ABCA4: variants seen among roughly 807,000 people sequenced by gnomAD.
ABCA4 encodes the protein retinal-specific phospholipid-transporting ATPase ABCA4.
Under a neutral mutation model 263.7 loss-of-function variants are expected in ABCA4, and 196 were observed. The ratio of observed to expected loss-of-function variants is 0.74; its 90% CI spans 0.66 to 0.84. The LOEUF (loss-of-function observed/expected upper bound fraction) is 0.84. Ranked by LOEUF, ABCA4 falls within the 40% of genes least tolerant of loss-of-function variation. The pLI, the probability that ABCA4 is intolerant of heterozygous loss-of-function variation, is 0.00. For missense variants in ABCA4, 2,792 were observed against 2,855.1 expected (o/e 0.98, Z 0.50); for synonymous variants, 1,133 against 1,094.2 (o/e 1.04, Z -0.70).
intron 6 of ABCA4, among the ~76,000 whole-genome samples, chr1:94,084,424 C>T (rs1661781500): frequency 6.6e-6 from 1 of 152,192 alleles, no homozygotes; most frequent in African/African-American, 2.4e-5. Flanking sequence ...ATTGGGCTGA[C>T]CTAACTTGCA....
At chr1:94,106,737 C>T (rs535827157) in intron 4 of ABCA4, among the ~76,000 whole-genome samples, 2 of 152,328 alleles carry the variant, frequency 1.3e-5, no homozygotes, top group African/African-American at 2.4e-5. Flanking sequence ...GGTCATACGC[C>T]TGTCCTTTCT....
chr1:94,030,614 G>GC, intron 28 of ABCA4, 88 bp from the exon 29 acceptor site: 1 of 1,292,122 alleles, frequency 7.7e-7, no homozygotes, highest in Non-Finnish European at 1.1e-6. Context: ...GCTGCTGTGT[G>GC]CCAGGTATGT....
intron 4 of ABCA4, among the ~76,000 whole-genome samples, chr1:94,105,446 T>C (rs1319747449): frequency 1.3e-5 from 2 of 152,050 alleles, no homozygotes; most frequent in Non-Finnish European, 2.9e-5. Context: ...TGCTGGCTTC[T>C]GGTACACCTG....
intron 6 of ABCA4, among the ~76,000 whole-genome samples, chr1:94,091,304 C>T (rs1376634498): frequency 1.3e-5 from 2 of 152,072 alleles, no homozygotes; most frequent in Non-Finnish European, 2.9e-5. Context: ...GATGAGGGTC[C>T]GGTCCTCACA....
At chr1:94,052,670 T>A (rs895390254) in intron 16 of ABCA4, among the ~76,000 whole-genome samples, 1 of 152,244 alleles carries the variant, frequency 6.6e-6, no homozygotes, top group Non-Finnish European at 1.5e-5. Context: ...AAAAACAGAC[T>A]AAGTTCAAAT....
At chr1:94,072,954 C>T (rs1234921440) in intron 11 of ABCA4, among the ~76,000 whole-genome samples, 1 of 152,108 alleles carries the variant, frequency 6.6e-6, no homozygotes, top group Non-Finnish European at 1.5e-5. Context: ...ACAGAAATGC[C>T]AGCATGGTGG....
In ABCA4 at chr1:94,037,358, A is replaced by G; in HGVS notation, c.3608-8T>C. On this transcript the variant is annotated splice_region_variant and splice_polypyrimidine_tract_variant and intron_variant, in intron 24 of 49. Transcript: ENST00000370225. ...TCAGCTCATTTACATCCCCTAGGAC[A>G]AGAAAAAAGACTGATGCCAGCTCTG... The G allele has an allele frequency of 4.3e-6, 7 of 1,613,472 alleles. No homozygotes were observed. Among genetic ancestry groups the G allele is most frequent in the Non-Finnish European group, 5.1e-6 (6 of 1,179,742 alleles).
intron 35 of ABCA4, among the ~76,000 whole-genome samples, 179 bp downstream of exon 35, chr1:94,021,061 C>T (rs1357940016): frequency 2.6e-5 from 4 of 152,284 alleles, no homozygotes; most frequent in East Asian, 1.9e-4. Flanking sequence ...AAAGAATGAC[C>T]AAGAGGTCTG....
Position 93,996,128 on chromosome 1 carries a change from C to T in ABCA4, c.6797G>A (p.Gly2266Glu). 6.2e-7 allele frequency: 1 copy of T among 1,613,992 alleles called. No homozygotes were observed. The highest frequency in any genetic ancestry group is 8.5e-7 in the Non-Finnish European group (1 of 1,180,028). ...GGGTACCTGGGCTTGTCGACTGGCT[C>T]CAGCAGCTCGAGGGTGCAGAGGGAG... Reference protein sequence around the residue: ...HDLPLHPRAAGASRQAQD With the variant: ...HDLPLHPRAAEASRQAQD Residue 2266 changes from glycine to glutamate, a missense_variant, in exon 49 of 50, where the codon GGA becomes GAA. Physicochemically the swap from Gly to Glu is moderately conservative, Grantham distance 98 (BLOSUM62 -2). Transcript: ENST00000370225.
chr1:94,026,221 C>CA (rs1253487133), intron 30 of ABCA4, among the ~76,000 whole-genome samples: 2 of 152,166 alleles, frequency 1.3e-5, no homozygotes, highest in African/African-American at 4.8e-5. Flanking sequence ...ATCTCCTCCC[C>CA]CTGTTTTCCC....
intron 26 of ABCA4, among the ~76,000 whole-genome samples, chr1:94,036,231 C>A (rs936384580): frequency 6.6e-6 from 1 of 151,148 alleles, no homozygotes; most frequent in Non-Finnish European, 1.5e-5. Context: ...AATCCTCATT[C>A]ATCCAAAGTG....
intron 4 of ABCA4, among the ~76,000 whole-genome samples, chr1:94,104,783 C>T (rs1173977557): frequency 1.3e-5 from 2 of 152,186 alleles, no homozygotes; most frequent in African/African-American, 2.4e-5. Flanking sequence ...GGGCTGCTCC[C>T]TTATATTCTA....
chr1:94,062,597 G>T lies in ABCA4; in HGVS notation c.1917C>A (p.Tyr639Ter), dbSNP rs61749415. Reference sequence around the variant, plus strand: ...CTCACGAATCGTCCACGAAGCAGGGGTAGGGCATCTGCTGGAGGTAGATTC... The same window carrying T: ...CTCACGAATCGTCCACGAAGCAGGGTTAGGGCATCTGCTGGAGGTAGATTC... ...PVGIYLQQMP[Y>*]PCFVDDSFMI... The change falls in exon 13 of 50, where the codon TAC becomes TAA. Residue 639 changes from tyrosine (Y) to a stop codon, truncating the protein, a stop_gained. Coordinates refer to ENST00000370225, the MANE Select transcript of ABCA4 (RefSeq NM_000350.3). LOFTEE classifies it high-confidence loss of function. 1.9e-6 allele frequency: 3 copies of T among 1,614,220 alleles called. No homozygotes were observed. Among genetic ancestry groups the T allele is most frequent in the Non-Finnish European group, 2.5e-6 (3 of 1,180,038 alleles).
At position 94,037,283 on chromosome 1, in the gene ABCA4, A is replaced by T. The variant is rs1660365137; in HGVS notation, c.3675T>A (p.Ile1225=). ...GAAGAAGGAAGATAAGTTCTTGACC[A>T]ATGCACTCCACCAGCTTTGCCTCTG... is the stretch of plus-strand genomic sequence containing the variant. ...HVPEAKLVEC[I]GQELIFLLPN... The change falls in exon 25 of 50, where the codon ATT becomes ATA. Residue 1225 remains isoleucine (I), a synonymous_variant. Transcript: ENST00000370225. 6.2e-7 allele frequency: 1 copy of T among 1,614,200 alleles called. No homozygotes were observed.
At chr1:94,083,498 C>T in intron 6 of ABCA4, 57 bp from the exon 7 acceptor site, 5 of 1,308,658 alleles carry the variant, frequency 3.8e-6, no homozygotes, top group East Asian at 2.3e-5. Context: ...GGTATATACA[C>T]ACATAGGCAC....
chr1:94,030,450 AG>A lies in ABCA4; in HGVS notation c.4329del (p.Cys1444AlafsTer2). 1 of 1,614,220 alleles carries A rather than the reference AG, an allele frequency of 6.2e-7. No individual in the cohort carries two copies. The highest frequency in any genetic ancestry group is 8.5e-7 in the Non-Finnish European group (1 of 1,180,032). ...TACGGAAGCCACCCTTCCTTCAGGC[AG>A]CGGTTGCCAAAGCCTGGCTTATTCA... The part of the protein sequence containing the change: ...VLLNKPGFGN[R>X]CLKEGWLPEY... On this transcript the variant is annotated frameshift_variant, in exon 29 of 50. Transcript: ENST00000370225. LOFTEE classifies it high-confidence loss of function.
At chr1:94,079,249 TCA>T (rs4147886) in intron 9 of ABCA4, 71 bp downstream of exon 9, 34,087 of 1,219,172 alleles carry the variant, frequency 0.028, no homozygotes, top group Middle Eastern at 0.033. Flanking sequence ...CACATCTCTC[TCA>T]CACACACACA....
chr1:94,076,813 T>A (rs1174907110), intron 11 of ABCA4, among the ~76,000 whole-genome samples: 1 of 152,144 alleles, frequency 6.6e-6, no homozygotes, highest in Non-Finnish European at 1.5e-5. Context: ...GGCGCAGAGA[T>A]GACAAGGCCT....
intron 6 of ABCA4, 45 bp downstream of exon 6, chr1:94,098,749 C>A: frequency 6.2e-7 from 1 of 1,604,896 alleles, no homozygotes; most frequent in Non-Finnish European, 8.5e-7. Context: ...TCTGCTACCC[C>A]AGGAATCACC....
Sources: allele counts gnomAD v4.1 joint callset (sites outside exome capture counted in the v4.1 genomes callset), GRCh38; gene constraint gnomAD v4.1.1; transcripts MANE v1.5; gene names NCBI Gene and HGNC (gene_info 2026-07-23, HGNC 2026-07-21).